Variants in KIF26B observed in about 807,000 individuals in gnomAD.
KIF26B encodes the protein kinesin family member 26B.
A neutral mutation model predicts 151.2 loss-of-function variants in KIF26B; 63 were observed. The ratio of observed to expected loss-of-function variants is 0.42; its 90% confidence interval spans 0.34 to 0.51. KIF26B has a LOEUF of 0.51. KIF26B is among the 20% of genes least tolerant of loss of function. The pLI is 0.07. For missense variants in KIF26B, 2,813 were observed against 2,913.6 expected, an observed-to-expected ratio of 0.97 and a Z score of 0.79; for synonymous variants, 1,357 against 1,262.1, an observed-to-expected ratio of 1.08 and a Z score of -1.59.
chr1:245,679,615 C>T (rs12041239), intron 10 of KIF26B, among the ~76,000 whole-genome samples: 58,669 of 151,106 alleles, frequency 0.39, 13,450 homozygotes, highest in Middle Eastern at 0.54. Flanking sequence ...ATTATAGGCG[C>T]GCGCCACCAT....
At chr1:245,364,657 T>A (rs1187261774) in intron 2 of KIF26B, among the ~76,000 whole-genome samples, 3 of 152,090 alleles carry the variant, frequency 2.0e-5, no homozygotes, top group Non-Finnish European at 1.5e-5. Flanking sequence ...CCTGACCTTG[T>A]GATCCGCCTG....
intron 2 of KIF26B, among the ~76,000 whole-genome samples, chr1:245,217,522 G>A (rs886797417): frequency 3.3e-5 from 5 of 151,610 alleles, no homozygotes; most frequent in Non-Finnish European, 5.9e-5. Flanking sequence ...CCATCACCAC[G>A]CCCAGCTATT....
At chr1:245,544,744 G>T (rs984891561) in intron 5 of KIF26B, among the ~76,000 whole-genome samples, 1 of 152,164 alleles carries the variant, frequency 6.6e-6, no homozygotes, top group Non-Finnish European at 1.5e-5. Flanking sequence ...GGAACCAATT[G>T]CCTTTGTCCA....
Position 245,286,083 on chromosome 1 carries a change from C to T in KIF26B, c.466-80751C>T, listed in dbSNP as rs560952437. ...AACTCAAGAGGTTCACTGCTTCCCC[C>T]AGCTTTGCTACTTTGGCAGGGTAGG... On this transcript the variant is annotated intron_variant, in intron 2 of 14. Coordinates refer to ENST00000407071, the MANE Select transcript of KIF26B (RefSeq NM_018012.4). 2.0e-4 allele frequency among the ~76,000 whole-genome samples: 30 copies of T among 152,108 alleles called. 1 individual carries two copies. Among genetic ancestry groups the T allele is most frequent in the African/African-American group, 7.2e-4 (30 of 41,522 alleles).
chr1:245,686,694 G>A lies in KIF26B; in HGVS notation c.3711G>A (p.Glu1237=). 6.2e-7 allele frequency: 1 copy of A among 1,612,902 alleles called. No individual in the cohort carries two copies. Among genetic ancestry groups the A allele is most frequent in the Non-Finnish European group, 8.5e-7 (1 of 1,179,558 alleles). Residue 1237 remains glutamate (E), a synonymous_variant, in exon 12 of 15, where the codon GAG becomes GAA. Transcript: ENST00000407071. The surrounding 1 kb of genome is among the most constrained non-coding windows in gnomAD (Gnocchi z 5.6). ...TCAGCATCATCAGCAGCATCAGCGA[G>A]GACCTGGAGTGCTACTCCAGCACGG... is the stretch of plus-strand genomic sequence containing the variant. ...RPVSIISSIS[E]DLECYSSTAP...
chr1:245,231,385 A>G (rs1669994001), intron 2 of KIF26B, among the ~76,000 whole-genome samples: 1 of 151,976 alleles, frequency 6.6e-6, no homozygotes, highest in Non-Finnish European at 1.5e-5. Flanking sequence ...GCGTGGTGGC[A>G]GGCACGTGTA....
At chr1:245,465,082 C>A (rs1404519319) in intron 4 of KIF26B, among the ~76,000 whole-genome samples, 1 of 149,166 alleles carries the variant, frequency 6.7e-6, no homozygotes, top group Non-Finnish European at 1.5e-5. Flanking sequence ...GGGTTCACGC[C>A]ATTCTCCTGC....
intron 12 of KIF26B, among the ~76,000 whole-genome samples, chr1:245,696,753 A>C (rs1169419817): frequency 6.6e-6 from 1 of 152,196 alleles, no homozygotes; most frequent in Non-Finnish European, 1.5e-5. Context: ...TGGGGCCTGC[A>C]CTTTGTTGGA....
At chr1:245,675,466 G>A (rs1407613255) in intron 10 of KIF26B, among the ~76,000 whole-genome samples, 1 of 152,098 alleles carries the variant, frequency 6.6e-6, no homozygotes, top group East Asian at 1.9e-4. Flanking sequence ...CCATAACAAA[G>A]GCACTCCCAG....
chr1:245,366,156 T>C (rs1451376353), intron 2 of KIF26B, among the ~76,000 whole-genome samples: 2 of 152,198 alleles, frequency 1.3e-5, no homozygotes, highest in African/African-American at 4.8e-5. Flanking sequence ...CCCCATATCA[T>C]GCCTGGACAA....
chr1:245,451,545 C>T (rs1174068336), intron 4 of KIF26B, among the ~76,000 whole-genome samples: 1 of 144,886 alleles, frequency 6.9e-6, no homozygotes, highest in Admixed American at 6.9e-5. Context: ...GGTGTATTCT[C>T]CTTTGGGTAC....
chr1:245,504,619 T>G (rs1660692150), intron 4 of KIF26B, among the ~76,000 whole-genome samples: 1 of 151,984 alleles, frequency 6.6e-6, no homozygotes, highest in African/African-American at 2.4e-5. Context: ...TTTTAATTTT[T>G]TTGTGCAGAT....
At chr1:245,307,889 C>T (rs561719338) in intron 2 of KIF26B, among the ~76,000 whole-genome samples, 49 of 152,214 alleles carry the variant, frequency 3.2e-4, no homozygotes, top group African/African-American at 7.7e-4. Flanking sequence ...TACAGGTGCC[C>T]GCCACCACGC....
intron 12 of KIF26B, among the ~76,000 whole-genome samples, chr1:245,695,481 C>A (rs185956231): frequency 4.6e-5 from 7 of 152,146 alleles, no homozygotes; most frequent in Non-Finnish European, 1.0e-4. Flanking sequence ...AATCCATTCA[C>A]GGGATTGAGG....
intron 2 of KIF26B, among the ~76,000 whole-genome samples, chr1:245,229,292 T>G (rs961770277): frequency 6.6e-6 from 1 of 152,102 alleles, no homozygotes; most frequent in African/African-American, 2.4e-5. Context: ...TACCCATGTG[T>G]CTCTGACAGG....
At chr1:245,220,489 C>T (rs947785198) in intron 2 of KIF26B, among the ~76,000 whole-genome samples, 1 of 152,144 alleles carries the variant, frequency 6.6e-6, no homozygotes, top group African/African-American at 2.4e-5. Flanking sequence ...TTCCGTTTCT[C>T]CTCTTGCTTT....
At chr1:245,370,037 A>C (rs1673074543) in intron 3 of KIF26B, among the ~76,000 whole-genome samples, 1 of 152,192 alleles carries the variant, frequency 6.6e-6, no homozygotes, top group Non-Finnish European at 1.5e-5. Flanking sequence ...GAAAATTATC[A>C]AAAGTAACAT....
chr1:245,298,340 A>T (rs532645955), intron 2 of KIF26B, among the ~76,000 whole-genome samples: 114 of 152,382 alleles, frequency 7.5e-4, no homozygotes, highest in Non-Finnish European at 1.4e-3. Context: ...GTGGAGAAAG[A>T]ATGAAAGATA....
At chr1:245,255,995 A>G (rs1670526436) in intron 2 of KIF26B, among the ~76,000 whole-genome samples, 1 of 152,168 alleles carries the variant, frequency 6.6e-6, no homozygotes. Flanking sequence ...TAAATGAGTC[A>G]CTTAAAGCCA....
Sources: gnomAD v4.1 joint callset for allele counts (sites outside exome capture counted in the v4.1 genomes callset) on GRCh38, gnomAD v4.1.1 for gene constraint, Gnocchi (gnomAD v3.1) non-coding constraint, MANE v1.5 for transcripts, NCBI Gene and HGNC (gene_info 2026-07-23, HGNC 2026-07-21) for gene names.